Variants in NRG3 observed in about 807,000 individuals in gnomAD.
The protein encoded by NRG3 is pro-neuregulin-3, membrane-bound isoform.
Under a neutral mutation model 66.9 loss-of-function variants are expected in NRG3, and 31 were observed. The observed-to-expected ratio is 0.46, with a 90% CI of 0.35 to 0.63. NRG3 has a LOEUF of 0.63. Among genes scored for constraint, NRG3 ranks in the 20% least tolerant of loss-of-function variants. The pLI is 0.00. For synonymous variants in NRG3, 393 were observed against 359.4 expected, an observed-to-expected ratio of 1.09 and a Z score of -1.06; for missense variants, 910 against 878.9, an observed-to-expected ratio of 1.04 and a Z score of -0.45.
chr10:82,810,998 A>G (rs1004746484), intron 3 of NRG3, among the ~76,000 whole-genome samples: 1 of 152,050 alleles, frequency 6.6e-6, no homozygotes, highest in Admixed American at 6.5e-5. Context: ...CTTTACTTGC[A>G]GTGTTCTTCC....
intron 2 of NRG3, among the ~76,000 whole-genome samples, chr10:82,622,264 T>C (rs567382975): frequency 1.3e-5 from 2 of 150,554 alleles, no homozygotes; most frequent in East Asian, 3.9e-4. Context: ...AAGTAGATTG[T>C]CTCTAAGAAG....
At chr10:82,412,337 A>T (rs746135208) in intron 2 of NRG3, among the ~76,000 whole-genome samples, 1 of 152,126 alleles carries the variant, frequency 6.6e-6, no homozygotes, top group Admixed American at 6.6e-5. Context: ...GTGACTAGAA[A>T]TGTTTGTTTT....
intron 2 of NRG3, among the ~76,000 whole-genome samples, chr10:82,609,645 T>TTAAA (rs2048187354): frequency 6.6e-6 from 1 of 151,756 alleles, no homozygotes; most frequent in Non-Finnish European, 1.5e-5. Flanking sequence ...AAAACATGTG[T>TTAAA]TAAACCTCAT....
At chr10:82,012,414 A>G (rs1019615864) in intron 1 of NRG3, among the ~76,000 whole-genome samples, 1 of 152,194 alleles carries the variant, frequency 6.6e-6, no homozygotes, top group Non-Finnish European at 1.5e-5. Flanking sequence ...GACCTCTGAC[A>G]TGCCATGGAG....
intron 2 of NRG3, among the ~76,000 whole-genome samples, chr10:82,416,479 A>T (rs2088585156): frequency 6.6e-6 from 1 of 152,180 alleles, no homozygotes. Flanking sequence ...TGTCCATAGA[A>T]TGAAAAGAGA....
chr10:82,559,836 TTATA>T (rs368573531), intron 2 of NRG3, among the ~76,000 whole-genome samples: 1 of 152,198 alleles, frequency 6.6e-6, no homozygotes, highest in African/African-American at 2.4e-5. Flanking sequence ...TTTCCAATAC[TTATA>T]TATCCAAATT....
chr10:82,321,264 G>C (rs577583540), intron 1 of NRG3, among the ~76,000 whole-genome samples: 1 of 148,682 alleles, frequency 6.7e-6, no homozygotes, highest in Non-Finnish European at 1.5e-5. Context: ...GGCTGAACAG[G>C]TAAGCCACAC....
intron 2 of NRG3, among the ~76,000 whole-genome samples, chr10:82,528,857 G>A (rs1846980378): frequency 6.6e-6 from 1 of 152,014 alleles, no homozygotes; most frequent in Non-Finnish European, 1.5e-5. Context: ...TTGACTAAAT[G>A]TTTCCTCTTT....
intron 2 of NRG3, among the ~76,000 whole-genome samples, chr10:82,523,932 C>A (rs1026654400): frequency 7.9e-5 from 12 of 152,080 alleles, no homozygotes; most frequent in African/African-American, 2.9e-4. Flanking sequence ...TCTGTTGAAC[C>A]CTTTTCATCA....
intron 1 of NRG3, among the ~76,000 whole-genome samples, chr10:81,970,007 A>G (rs931811472): frequency 3.3e-5 from 5 of 152,154 alleles, no homozygotes; most frequent in Non-Finnish European, 7.3e-5. Context: ...CTTCTATCAT[A>G]GTGTAAGACA....
chr10:82,741,366 C>T (rs1565264415), intron 3 of NRG3, among the ~76,000 whole-genome samples: 1 of 152,166 alleles, frequency 6.6e-6, no homozygotes, highest in Non-Finnish European at 1.5e-5. Flanking sequence ...TTACCCTTTT[C>T]CGACGTTAGC....
At chr10:82,458,251 G>T (rs1164160736) in intron 2 of NRG3, among the ~76,000 whole-genome samples, 1 of 152,214 alleles carries the variant, frequency 6.6e-6, no homozygotes, top group Non-Finnish European at 1.5e-5. Flanking sequence ...GTGAACCAGG[G>T]TATATAAGTT....
chr10:82,945,976 A>G (rs868399826), intron 4 of NRG3, among the ~76,000 whole-genome samples: 1 of 152,102 alleles, frequency 6.6e-6, no homozygotes. Context: ...CTCTGGGGTG[A>G]GAATTGATGT....
At position 81,975,698 on chromosome 10, in the gene NRG3, G is replaced by A. The variant is rs113886194; in HGVS notation, c.823+99535G>A. Among the ~76,000 whole-genome samples, 758 of 152,234 alleles carry A rather than the reference G, an allele frequency of 5.0e-3. 4 individuals are homozygous for A. Among genetic ancestry groups the A allele is most frequent in the African/African-American group, 0.017 (706 of 41,558 alleles). On this transcript the variant is annotated intron_variant, in intron 1 of 8. Coordinates refer to ENST00000372141, the MANE Select transcript of NRG3 (RefSeq NM_001010848.4). ...GCAGAGAGAATCATGGCCTTCCAAA[G>A]ACAACCATGCCCTAATCTCCAGAGC... is the stretch of plus-strand genomic sequence containing the variant.
At chr10:81,971,914 A>G (rs1023367557) in intron 1 of NRG3, among the ~76,000 whole-genome samples, 8 of 152,238 alleles carry the variant, frequency 5.3e-5, no homozygotes, top group Admixed American at 2.6e-4. Context: ...TGCTTTGGGT[A>G]TTTAGTAGAG....
chr10:82,318,858 G>A (rs1463060368), intron 1 of NRG3, among the ~76,000 whole-genome samples: 1 of 152,148 alleles, frequency 6.6e-6, no homozygotes, highest in Non-Finnish European at 1.5e-5. Context: ...CAGTTGAGTG[G>A]CAGCTCAATA....
intron 3 of NRG3, among the ~76,000 whole-genome samples, chr10:82,802,958 A>G (rs11196013): frequency 0.51 from 78,022 of 152,012 alleles, 21,444 homozygotes; most frequent in African/African-American, 0.73. Flanking sequence ...ACAGATGTAA[A>G]CATCGCACCC....
At chr10:82,653,721 G>A (rs527481140) in intron 2 of NRG3, among the ~76,000 whole-genome samples, 45 of 152,126 alleles carry the variant, frequency 3.0e-4, no homozygotes, top group Admixed American at 7.9e-4. Flanking sequence ...TAGGAACAGA[G>A]GGGGAAAGCA....
chr10:82,624,423 C>T (rs1379088261), intron 2 of NRG3, among the ~76,000 whole-genome samples: 1 of 152,080 alleles, frequency 6.6e-6, no homozygotes, highest in East Asian at 1.9e-4. Flanking sequence ...CCCACCTTAA[C>T]CATTCTCCTT....
Sources: gnomAD v4.1 joint callset for allele counts (sites outside exome capture counted in the v4.1 genomes callset) on GRCh38, gnomAD v4.1.1 for gene constraint, MANE v1.5 for transcripts, NCBI Gene and HGNC (gene_info 2026-07-23, HGNC 2026-07-21) for gene names.